The following SYCP1 variants were observed in gnomAD, a reference collection of about 807,000 sequenced individuals.
SYCP1 encodes synaptonemal complex protein 1.
A neutral mutation model predicts 153.1 loss-of-function variants in SYCP1; 64 were observed. The ratio of observed to expected loss-of-function variants is 0.42; its 90% CI spans 0.34 to 0.51. The LOEUF is 0.51. SYCP1 is among the 20% of genes least tolerant of loss of function. The probability of loss-of-function intolerance (pLI) is 0.06; values close to 1 mark genes in which losing one functional copy is unlikely to be tolerated. For synonymous variants in SYCP1, 384 were observed against 341.8 expected, an observed-to-expected ratio of 1.12 and a Z score of -1.36; for missense variants, 997 against 1,049.0, an observed-to-expected ratio of 0.95 and a Z score of 0.68.
intron 29 of SYCP1, among the ~76,000 whole-genome samples, chr1:114,983,270 T>A (rs1673282343): frequency 6.6e-6 from 1 of 152,044 alleles, no homozygotes; most frequent in South Asian, 2.1e-4. Flanking sequence ...TTTTCAAAGC[T>A]TCCCCATGGA....
At chr1:114,886,721 G>A (rs779944283) in intron 14 of SYCP1, among the ~76,000 whole-genome samples, 1 of 151,800 alleles carries the variant, frequency 6.6e-6, no homozygotes, top group Admixed American at 6.6e-5. Flanking sequence ...GCCTGGCATA[G>A]GTAAGTACTA....
intron 25 of SYCP1, 44 bp from the exon 26 acceptor site, chr1:114,946,245 A>G (rs529302450): frequency 4.1e-6 from 4 of 987,546 alleles, no homozygotes; most frequent in East Asian, 6.2e-5. Flanking sequence ...CTTATAATCT[A>G]TTCAGTTTTA....
At chr1:114,857,078 G>C (rs555203838) in intron 3 of SYCP1, among the ~76,000 whole-genome samples, 154 bp from the exon 4 acceptor site, 18 of 130,428 alleles carry the variant, frequency 1.4e-4, no homozygotes, top group Non-Finnish European at 2.3e-4. Flanking sequence ...GCTGCAGTGA[G>C]CCATGATGGG....
At chr1:114,902,332 T>C (rs1413471109) in intron 16 of SYCP1, among the ~76,000 whole-genome samples, 3 of 152,160 alleles carry the variant, frequency 2.0e-5, no homozygotes, top group African/African-American at 4.8e-5. Flanking sequence ...TTCTCAAGCC[T>C]TATGTTTCTC....
At position 114,946,255 on chromosome 1, in the gene SYCP1, A is replaced by C. The variant is rs776964802; in HGVS notation, c.2155-34A>C. ...CCAATCTTATAATCTATTCAGTTTT[A>C]ATATATCTAAAATGTCTTCTTTGTT... On this transcript the variant is annotated intron_variant, in intron 25 of 31. Transcript: ENST00000369522. 1.1e-5 allele frequency: 13 copies of C among 1,213,410 alleles called. No individual in the cohort carries two copies. In the Admixed American group the frequency reaches 3.3e-4, roughly 30 times the overall value. The allele number at this position is 1,213,410 out of a possible 1,614,324, so 75.2% of individuals were successfully genotyped here. A position where few individuals can be genotyped will look rare whatever the true frequency, so the allele number is the denominator to read the frequency against.
At position 114,876,870 on chromosome 1, in the gene SYCP1, A is replaced by C. The variant is rs1386758161; in HGVS notation, c.801+60A>C. On this transcript the variant is annotated intron_variant, in intron 11 of 31. Transcript: ENST00000369522. ...ATTTGCTAATTCATTAAAAACTTAA[A>C]ATTTCAAAAGAAGTTTATATTTACT... is the stretch of plus-strand genomic sequence containing the variant. The C allele has an allele frequency of 6.1e-6, 6 of 981,726 alleles. No individual in the cohort carries two copies. In the South Asian group the frequency reaches 1.4e-4, roughly 22 times the overall value. The allele number at this position is 981,726 out of a possible 1,614,324, so 60.8% of individuals were successfully genotyped here. A position where few individuals can be genotyped will look rare whatever the true frequency, so the allele number is the denominator to read the frequency against.
At chr1:114,980,046 G>A (rs1673052029) in intron 28 of SYCP1, among the ~76,000 whole-genome samples, 1 of 151,752 alleles carries the variant, frequency 6.6e-6, no homozygotes, top group African/African-American at 2.4e-5. Flanking sequence ...AAGGAGAGAT[G>A]TTCTCAGAAG....
chr1:114,898,220 G>A (rs1015143335), intron 16 of SYCP1, among the ~76,000 whole-genome samples: 1 of 152,198 alleles, frequency 6.6e-6, no homozygotes, highest in Non-Finnish European at 1.5e-5. Flanking sequence ...CTTATCGTAA[G>A]CTGAATGCTA....
chr1:114,949,417 A>G (rs1203782519), intron 27 of SYCP1, among the ~76,000 whole-genome samples: 1 of 152,158 alleles, frequency 6.6e-6, no homozygotes, highest in South Asian at 2.1e-4. Context: ...CTAGAGTCCC[A>G]CTTTTAGTAA....
At chr1:114,932,649 T>A (rs1669711034) in intron 23 of SYCP1, among the ~76,000 whole-genome samples, 4 of 152,156 alleles carry the variant, frequency 2.6e-5, no homozygotes, top group Admixed American at 2.6e-4. Flanking sequence ...TTCCCTTTCC[T>A]AACCAAGAGA....
At chr1:114,919,003 C>G (rs1036301904) in intron 20 of SYCP1, among the ~76,000 whole-genome samples, 1 of 151,888 alleles carries the variant, frequency 6.6e-6, no homozygotes, top group Non-Finnish European at 1.5e-5. Flanking sequence ...TTATTTCTTC[C>G]TTTTGTCTAA....
intron 23 of SYCP1, among the ~76,000 whole-genome samples, chr1:114,935,003 CAGAA>C (rs1669900300): frequency 6.6e-6 from 1 of 152,116 alleles, no homozygotes; most frequent in Non-Finnish European, 1.5e-5. Flanking sequence ...ATCAATGAGA[CAGAA>C]AGTTAACAAG....
Position 114,885,562 on chromosome 1 carries a change from C to G in SYCP1, c.938C>G (p.Ser313Ter). Residue 313 changes from serine (S) to a stop codon, truncating the protein, a stop_gained, in exon 13 of 32, where the codon TCA (serine) becomes TGA (stop). Coordinates refer to ENST00000369522, the MANE Select transcript of SYCP1 (RefSeq NM_003176.4). LOFTEE classifies it high-confidence loss of function. ...TKLQSENLKQ[S>*]IEKQHHLTKE... The stretch of plus-strand genomic sequence containing the variant: ...TTACAGAGTGAAAACTTAAAACAAT[C>G]AATTGAGAAACAGCATCATTTGACT... The G allele has an allele frequency of 6.3e-7, 1 of 1,578,314 alleles. No homozygotes were observed. The highest frequency in any genetic ancestry group is 8.6e-7 in the Non-Finnish European group (1 of 1,158,854).
At chr1:114,985,745 A>G (rs1673455240) in intron 30 of SYCP1, among the ~76,000 whole-genome samples, 1 of 151,884 alleles carries the variant, frequency 6.6e-6, no homozygotes, top group Non-Finnish European at 1.5e-5. Flanking sequence ...AATTATCAAC[A>G]TCTTAACAAT....
intron 27 of SYCP1, 69 bp downstream of exon 27, chr1:114,947,389 T>G: frequency 9.8e-7 from 1 of 1,021,512 alleles, no homozygotes; most frequent in Non-Finnish European, 1.5e-6. Flanking sequence ...TTTAGAATTA[T>G]GTCATATTAT....
intron 20 of SYCP1, among the ~76,000 whole-genome samples, chr1:114,916,647 A>G (rs1445142456): frequency 7.7e-5 from 11 of 143,766 alleles, no homozygotes; most frequent in Non-Finnish European, 4.5e-5. Flanking sequence ...TAATCTTTTG[A>G]GGTTTTTTTT....
At chr1:114,915,081 A>T (rs1329916506) in intron 20 of SYCP1, among the ~76,000 whole-genome samples, 1 of 152,056 alleles carries the variant, frequency 6.6e-6, no homozygotes, top group African/African-American at 2.4e-5. Flanking sequence ...AAGAAGAAAA[A>T]AAACTAAAAA....
chr1:114,958,113 A>G (rs1570861968), intron 27 of SYCP1, among the ~76,000 whole-genome samples: 1 of 152,250 alleles, frequency 6.6e-6, no homozygotes, highest in Non-Finnish European at 1.5e-5. Flanking sequence ...AGCCATAAAA[A>G]AGAAGGAAAC....
At chr1:114,910,267 A>C (rs1668090700) in intron 16 of SYCP1, 130 bp from the exon 17 acceptor site, 2 of 575,032 alleles carry the variant, frequency 3.5e-6, no homozygotes, top group Non-Finnish European at 6.2e-6. Context: ...ATATTGACTA[A>C]TTTTCTCTTT....
Sources: gnomAD v4.1 joint callset for allele counts (sites outside exome capture counted in the v4.1 genomes callset) on GRCh38, gnomAD v4.1.1 for gene constraint, MANE v1.5 for transcripts, NCBI Gene and HGNC (gene_info 2026-07-23, HGNC 2026-07-21) for gene names.